The following ESYT2 variants were observed in gnomAD, a reference collection of about 807,000 sequenced individuals.
ESYT2 encodes extended synaptotagmin-2.
ESYT2 carries 54 observed loss-of-function variants against 107.2 expected under a neutral mutation model. The ratio of observed to expected loss-of-function variants is 0.50; its 90% CI spans 0.40 to 0.63. The LOEUF (loss-of-function observed/expected upper bound fraction) is 0.63. ESYT2 is among the 30% of genes least tolerant of loss of function. The pLI is 0.00. For missense variants in ESYT2, 1,020 were observed against 1,094.5 expected, an observed-to-expected ratio of 0.93 and a Z score of 0.96; for synonymous variants, 491 against 434.1, an observed-to-expected ratio of 1.13 and a Z score of -1.63.
intron 6 of ESYT2, among the ~76,000 whole-genome samples, chr7:158,774,686 T>C (rs1298417899): frequency 1.3e-5 from 2 of 152,216 alleles, no homozygotes; most frequent in African/African-American, 4.8e-5. Flanking sequence ...CACAACAGGA[T>C]TCTATCATTT....
Position 158,799,028 on chromosome 7 carries a change from T to TA in ESYT2, c.372+2dup. On this transcript the variant is annotated splice_region_variant and intron_variant, in intron 2 of 22. Coordinates refer to ENST00000275418, the MANE Select transcript of ESYT2 (RefSeq NM_001367773.1). The stretch of plus-strand genomic sequence containing the variant: ...GATGGTAGTTGGTATACTCTAATCT[T>TA]ACCTTATTTAGCCATTCTGCTCTTT... 3 of 1,613,104 alleles carry TA rather than the reference T, an allele frequency of 1.9e-6. No homozygotes were observed. The highest frequency in any genetic ancestry group is 2.5e-6 in the Non-Finnish European group (3 of 1,179,124).
In ESYT2 at chr7:158,752,477, C is replaced by G. The variant is rs115625067; in HGVS notation, c.1482+304G>C. ...AAGATTTTAAGTAGAACGTCTATAT[C>G]ACAATTTTCACAAATTCAAATCCAA... On this transcript the variant is annotated intron_variant, in intron 14 of 22. Coordinates refer to ENST00000275418, the MANE Select transcript of ESYT2 (RefSeq NM_001367773.1). Among the ~76,000 whole-genome samples the G allele has an allele frequency of 8.3e-3, 1,265 of 152,316 alleles. 19 individuals are homozygous for G. The highest frequency in any genetic ancestry group is 0.029 in the African/African-American group (1,202 of 41,558).
At chr7:158,734,955 C>T (rs2878802) in intron 21 of ESYT2, among the ~76,000 whole-genome samples, 125,467 of 152,232 alleles carry the variant, frequency 0.82, 52,181 homozygotes, top group East Asian at 0.92. Flanking sequence ...CTGTAAGCTA[C>T]ATCGCTGAAT....
At chr7:158,813,901 ACT>A (rs1354374251) in intron 1 of ESYT2, among the ~76,000 whole-genome samples, 2 of 152,140 alleles carry the variant, frequency 1.3e-5, no homozygotes, top group Admixed American at 1.3e-4. Context: ...CGTCCCGATG[ACT>A]CTCACAGATC....
In ESYT2 at chr7:158,829,502, G is replaced by A. The variant is rs1259341067; in HGVS notation, c.-84C>T. The A allele has an allele frequency of 2.3e-5, 28 of 1,241,296 alleles. No homozygotes were observed. Among genetic ancestry groups the A allele is most frequent in the Admixed American group, 8.7e-5 (2 of 22,982 alleles). The allele number at this position is 1,241,296 out of a possible 1,614,324, so 76.9% of individuals were successfully genotyped here. On this transcript the variant is annotated 5_prime_UTR_variant, in exon 1 of 23. Coordinates refer to ENST00000275418, the MANE Select transcript of ESYT2 (RefSeq NM_001367773.1). Reference sequence around the variant, plus strand: ...CCGGGCGGCTCAGCCCCGCGCCAGCGCCCCTCTGAGGGGACGCGGCTCCGC... The same window carrying A: ...CCGGGCGGCTCAGCCCCGCGCCAGCACCCCTCTGAGGGGACGCGGCTCCGC...
chr7:158,780,814 T>C (rs1216614609), intron 6 of ESYT2, among the ~76,000 whole-genome samples: 1 of 152,158 alleles, frequency 6.6e-6, no homozygotes, highest in Admixed American at 6.5e-5. Flanking sequence ...GGGGTCCCCA[T>C]GTTCAAGGCA....
rs1156290651 is a variant in ESYT2, at chr7:158,741,743, T to C, written c.1948A>G (p.Thr650Ala). ...GPGGSNTAPS[T>A]PVIGGSDKPG... Reference sequence around the variant, plus strand: ...TTATCACTGCCCCCAATGACTGGTGTGGATGGAGCTGTGTTGCTGCCACCA... The same window carrying C: ...TTATCACTGCCCCCAATGACTGGTGCGGATGGAGCTGTGTTGCTGCCACCA... Residue 650 changes from threonine (T) to alanine (A), a missense_variant, in exon 18 of 23, where the codon ACA becomes GCA. Transcript: ENST00000275418. 1.2e-6 allele frequency: 2 copies of C among 1,613,978 alleles called. No individual in the cohort carries two copies. Among genetic ancestry groups the C allele is most frequent in the Non-Finnish European group, 1.7e-6 (2 of 1,180,032 alleles).
At position 158,763,177 on chromosome 7, in the gene ESYT2, A is replaced by G. The variant is rs749712330; in HGVS notation, c.1102-12T>C. 3.8e-5 allele frequency: 61 copies of G among 1,606,828 alleles called. 2 individuals carry two copies. The South Asian group carries it at 4.9e-4, about 13-fold the overall frequency. ...TCATACACTAAAGCCTAAAACATCA[A>G]TGGTTAGTAGTTAAGTGCATTTTTA... On this transcript the variant is annotated splice_polypyrimidine_tract_variant and intron_variant, in intron 9 of 22. Coordinates refer to ENST00000275418, the MANE Select transcript of ESYT2 (RefSeq NM_001367773.1).
chr7:158,748,681 T>G (rs1427776436), intron 15 of ESYT2, among the ~76,000 whole-genome samples: 1 of 152,122 alleles, frequency 6.6e-6, no homozygotes, highest in African/African-American at 2.4e-5. Flanking sequence ...AGTGATGACC[T>G]GTAACTTCGG....
chr7:158,737,594 C>A (rs1329306107), intron 19 of ESYT2, among the ~76,000 whole-genome samples: 2 of 152,122 alleles, frequency 1.3e-5, no homozygotes, highest in African/African-American at 4.8e-5. Flanking sequence ...AGGTGCCCAG[C>A]TGCACAGGCC....
At chr7:158,765,091 G>A (rs548079425) in intron 8 of ESYT2, among the ~76,000 whole-genome samples, 28 of 152,266 alleles carry the variant, frequency 1.8e-4, no homozygotes, top group African/African-American at 6.5e-4. Flanking sequence ...TGGCTCAGAG[G>A]AGAACAGATG....
intron 6 of ESYT2, among the ~76,000 whole-genome samples, chr7:158,785,929 C>G (rs974852264): frequency 6.6e-6 from 1 of 152,128 alleles, no homozygotes; most frequent in Non-Finnish European, 1.5e-5. Flanking sequence ...ATTTAAAAAA[C>G]CCACAAAATA....
At chr7:158,821,522 C>T (rs979382934) in intron 1 of ESYT2, among the ~76,000 whole-genome samples, 4 of 152,236 alleles carry the variant, frequency 2.6e-5, no homozygotes, top group African/African-American at 9.6e-5. Context: ...TCACCCCCAT[C>T]ATGTCCAAAC....
Position 158,741,562 on chromosome 7 carries a change from G to A in ESYT2, c.2129C>T (p.Ala710Val), listed in dbSNP as rs757155824. The A allele has an allele frequency of 3.7e-6, 6 of 1,602,926 alleles. No homozygotes were observed. Among genetic ancestry groups the A allele is most frequent in the East Asian group, 4.5e-5 (2 of 44,838 alleles). The change falls in exon 18 of 23, where the codon GCC becomes GTC. Residue 710 changes from alanine to valine, a missense_variant. By Grantham distance (64) the Ala-to-Val change is moderately conservative. Transcript: ENST00000275418. The stretch of plus-strand genomic sequence containing the variant: ...CAGCCTTTGCCGCAGCTCCTGGGTG[G>A]CGATGGGCAGCGAGATGTCCGAGGC... ...SIASDISLPI[A>V]TQELRQRLRQ...
At chr7:158,787,452 A>C (rs997152818) in intron 6 of ESYT2, among the ~76,000 whole-genome samples, 1 of 152,200 alleles carries the variant, frequency 6.6e-6, no homozygotes, top group African/African-American at 2.4e-5. Context: ...ACCCCAAAAG[A>C]GGAAGGAGAT....
intron 13 of ESYT2, among the ~76,000 whole-genome samples, chr7:158,758,638 A>G (rs1388285530): frequency 6.6e-6 from 1 of 152,152 alleles, no homozygotes; most frequent in Non-Finnish European, 1.5e-5. Flanking sequence ...GCGTGGCAGC[A>G]GTCTTTCTTC....
chr7:158,796,032 A>G (rs1472975602), intron 3 of ESYT2, among the ~76,000 whole-genome samples: 1 of 152,180 alleles, frequency 6.6e-6, no homozygotes, highest in Non-Finnish European at 1.5e-5. Context: ...TGGGGTGTAC[A>G]CTGGTGCCCA....
intron 3 of ESYT2, among the ~76,000 whole-genome samples, chr7:158,795,923 G>C (rs1839443938): frequency 6.6e-6 from 1 of 152,174 alleles, no homozygotes; most frequent in South Asian, 2.1e-4. Flanking sequence ...GGCTGCACAG[G>C]AGGCACGGGG....
intron 20 of ESYT2, among the ~76,000 whole-genome samples, chr7:158,736,844 C>T (rs1396250091): frequency 6.6e-6 from 1 of 152,144 alleles, no homozygotes; most frequent in Non-Finnish European, 1.5e-5. Context: ...AGGGTTGTAA[C>T]TTGAATTTAC....
Sources: gnomAD v4.1 joint callset for allele counts (sites outside exome capture counted in the v4.1 genomes callset) on GRCh38, gnomAD v4.1.1 for gene constraint, MANE v1.5 for transcripts, NCBI Gene and HGNC (gene_info 2026-07-23, HGNC 2026-07-21) for gene names.